Variants in DMC1 observed in about 807,000 individuals in gnomAD.
DMC1 encodes DNA meiotic recombinase 1, also known as meiotic recombination protein DMC1 homolog.
Under a neutral mutation model 50.1 loss-of-function variants are expected in DMC1, and 27 were observed. The ratio of observed to expected loss-of-function variants is 0.54; its 90% CI spans 0.40 to 0.74. DMC1 has a LOEUF of 0.74. DMC1 is among the 30% of genes least tolerant of loss of function. The probability of loss-of-function intolerance (pLI) is 0.00; values close to 1 mark genes in which losing one functional copy is unlikely to be tolerated. For missense variants in DMC1, 295 were observed against 420.2 expected (o/e 0.70, Z 2.60); for synonymous variants, 148 against 136.1 (o/e 1.09, Z -0.61).
rs368177908 is a variant in DMC1, at chr22:38,560,024, A to T, written c.326+2263T>A. Among the ~76,000 whole-genome samples, 234 of 152,222 alleles carry T rather than the reference A, an allele frequency of 1.5e-3. 2 individuals carry two copies. Among genetic ancestry groups the T allele is most frequent in the South Asian group, 2.9e-3 (14 of 4,826 alleles). Reference sequence around the variant, plus strand: ...CAGAGCAAGACTCCGTCTGAAAAAAAAAATAAATAAATAAAATAAAAAATA... The same window carrying T: ...CAGAGCAAGACTCCGTCTGAAAAAATAAATAAATAAATAAAATAAAAAATA... On this transcript the variant is annotated intron_variant, in intron 5 of 13. Transcript: ENST00000216024.
At chr22:38,523,842 A>G (rs917517713) in intron 12 of DMC1, among the ~76,000 whole-genome samples, 1 of 152,210 alleles carries the variant, frequency 6.6e-6, no homozygotes, top group Admixed American at 6.6e-5. Context: ...TGGACTGCAA[A>G]AAGATTGGTG....
Position 38,570,087 on chromosome 22 carries a change from C to T in DMC1, c.-78G>A, listed in dbSNP as rs2090623755. On this transcript the variant is annotated 5_prime_UTR_variant, in exon 1 of 14. Coordinates refer to ENST00000216024, the MANE Select transcript of DMC1 (RefSeq NM_007068.4). ...TCCCCGAGATTTTCAAGGTGAAGCC[C>T]CTCTGCCCCGCCCGACCTCCTCAGC... 1 of 152,250 alleles carries T rather than the reference C, an allele frequency of 6.6e-6. No individual in the cohort carries two copies. The highest frequency in any genetic ancestry group is 6.5e-5 in the Admixed American group (1 of 15,272). 9.4% of individuals were successfully genotyped at this position (152,250 alleles called of 1,614,324 possible). A position where few individuals can be genotyped will look rare whatever the true frequency, so the allele number is the denominator to read the frequency against.
At chr22:38,561,595 T>C (rs1454617186) in intron 5 of DMC1, among the ~76,000 whole-genome samples, 10 of 152,176 alleles carry the variant, frequency 6.6e-5, no homozygotes, top group Non-Finnish European at 1.2e-4. Context: ...GGTCAGAAGT[T>C]TGATTTTTGG....
intron 6 of DMC1, among the ~76,000 whole-genome samples, chr22:38,553,001 C>T (rs1168740562): frequency 2.0e-5 from 3 of 151,422 alleles, no homozygotes; most frequent in African/African-American, 7.3e-5. Flanking sequence ...GTGCCTGCCA[C>T]CACGCCCGGC....
Position 38,559,911 on chromosome 22 carries a change from G to A in DMC1, c.326+2376C>T, listed in dbSNP as rs1205782895. On this transcript the variant is annotated intron_variant, in intron 5 of 13. Coordinates refer to ENST00000216024, the MANE Select transcript of DMC1 (RefSeq NM_007068.4). ...CGGGCACCTGTAATCCCAGCTACTCGGGAGGCTGAGGCAGGTGAATCGCTT... is the reference window on the plus strand; with the variant it reads ...CGGGCACCTGTAATCCCAGCTACTCAGGAGGCTGAGGCAGGTGAATCGCTT... Among the ~76,000 whole-genome samples the A allele has an allele frequency of 5.3e-5, 8 of 151,994 alleles. No homozygotes were observed. The South Asian group carries it at 1.0e-3, about 20-fold the overall frequency.
intron 11 of DMC1, 98 bp downstream of exon 11, chr22:38,538,197 A>T (rs2090237277): frequency 1.0e-6 from 1 of 978,110 alleles, no homozygotes; most frequent in African/African-American, 1.7e-5. Flanking sequence ...ATTTTATTTA[A>T]AAAAAAATCG....
At chr22:38,548,636 G>C (rs2090370859) in intron 8 of DMC1, among the ~76,000 whole-genome samples, 1 of 152,162 alleles carries the variant, frequency 6.6e-6, no homozygotes, top group South Asian at 2.1e-4. Flanking sequence ...CACTTTGGGA[G>C]GCTGAGGTGG....
chr22:38,536,552 A>G lies in DMC1; in HGVS notation c.836+1040T>C, dbSNP rs1168981267. On this transcript the variant is annotated intron_variant, in intron 12 of 13. Coordinates refer to ENST00000216024, the MANE Select transcript of DMC1 (RefSeq NM_007068.4). ...GAACTGAAATTCTTTTTCTTCAAAC[A>G]GGAGACTTCTCCCATAGTGCCTCTG... is the stretch of plus-strand genomic sequence containing the variant. 2.6e-5 allele frequency among the ~76,000 whole-genome samples: 4 copies of G among 152,326 alleles called. No individual in the cohort carries two copies. In the East Asian group the frequency reaches 5.8e-4, roughly 22 times the overall value.
intron 1 of DMC1, among the ~76,000 whole-genome samples, chr22:38,569,836 C>A (rs1157923591): frequency 1.3e-5 from 2 of 152,186 alleles, no homozygotes; most frequent in African/African-American, 2.4e-5. Context: ...GAGGATGAGG[C>A]GGGCTCTCCT....
chr22:38,509,306 T>C, the DMC1 span, among the ~76,000 whole-genome samples: 1 of 152,082 alleles, frequency 6.6e-6, no homozygotes, highest in Admixed American at 6.6e-5. Flanking sequence ...TTCTTCTCGA[T>C]GCTCTCCCTC....
At chr22:38,555,951 C>CA (rs1602761160) in intron 5 of DMC1, among the ~76,000 whole-genome samples, 1 of 152,050 alleles carries the variant, frequency 6.6e-6, no homozygotes, top group East Asian at 1.9e-4. Context: ...CCTGCCTCAG[C>CA]CTCACGAGTA....
At position 38,542,322 on chromosome 22, in the gene DMC1, A is replaced by G. The variant is rs533039103; in HGVS notation, c.495-2910T>C. Reference sequence around the variant, plus strand: ...TGGAAAAACCCAGACTCCACCAAAAAGCTATTAGAACTGATAAACAAATTC... The same window carrying G: ...TGGAAAAACCCAGACTCCACCAAAAGGCTATTAGAACTGATAAACAAATTC... On this transcript the variant is annotated intron_variant, in intron 8 of 13. Transcript: ENST00000216024. Among the ~76,000 whole-genome samples the G allele has an allele frequency of 8.8e-4, 134 of 152,200 alleles. 4 individuals are homozygous for G. In the South Asian group the frequency reaches 0.028, roughly 32 times the overall value.
chr22:38,566,478 T>G (rs1224697003), intron 4 of DMC1, 112 bp downstream of exon 4: 26 of 1,158,900 alleles, frequency 2.2e-5, no homozygotes, highest in Non-Finnish European at 3.3e-5. Context: ...TATAATATAC[T>G]GTGATCTACA....
chr22:38,522,883 T>C (rs1243650740), intron 12 of DMC1, among the ~76,000 whole-genome samples: 1 of 152,124 alleles, frequency 6.6e-6, no homozygotes, highest in Non-Finnish European at 1.5e-5. Context: ...TGAGATAAAC[T>C]GCTACTTGAT....
intron 12 of DMC1, among the ~76,000 whole-genome samples, chr22:38,522,302 T>C (rs2090038057): frequency 1.3e-5 from 2 of 149,772 alleles, no homozygotes; most frequent in South Asian, 2.2e-4. Context: ...GTGCCTGTAA[T>C]CCCAGCACTT....
At chr22:38,552,734 T>C (rs1301483623) in intron 6 of DMC1, 27 bp from the exon 7 acceptor site, 8 of 1,430,426 alleles carry the variant, frequency 5.6e-6, no homozygotes, top group Non-Finnish European at 7.9e-6. Context: ...AAAATGATTT[T>C]AAAAATGCAT....
At position 38,538,426 on chromosome 22, in the gene DMC1, T is replaced by G. The variant is rs1001407956; in HGVS notation, c.661-17A>C. 5.6e-6 allele frequency: 9 copies of G among 1,612,034 alleles called. No homozygotes were observed. The African/African-American group carries it at 9.3e-5, about 17-fold the overall frequency. ...ATCGATAATCTACACAGGATTAATG[T>G]AAAAATAAACATGCATTTGGAAATT... On this transcript the variant is annotated splice_polypyrimidine_tract_variant and intron_variant, in intron 10 of 13. Transcript: ENST00000216024.
At chr22:38,566,322 A>G (rs1272741991) in intron 4 of DMC1, among the ~76,000 whole-genome samples, 3 of 152,062 alleles carry the variant, frequency 2.0e-5, no homozygotes, top group Non-Finnish European at 2.9e-5. Flanking sequence ...AGACAGCCAG[A>G]AAAAGTAATA....
downstream of DMC1, among the ~76,000 whole-genome samples, chr22:38,517,934 C>G (rs1052742707): frequency 2.0e-5 from 3 of 151,918 alleles, no homozygotes; most frequent in African/African-American, 7.3e-5. Context: ...CCTTTGCAGT[C>G]TCTCAGCTTA....
Sources: gnomAD v4.1 joint callset for allele counts (sites outside exome capture counted in the v4.1 genomes callset) on GRCh38, gnomAD v4.1.1 for gene constraint, MANE v1.5 for transcripts, NCBI Gene and HGNC (gene_info 2026-07-23, HGNC 2026-07-21) for gene names.